Variants in STAU2 observed in about 807,000 individuals in gnomAD.
STAU2 encodes the protein double-stranded RNA-binding protein Staufen homolog 2.
In STAU2, 20 loss-of-function variants were observed where a neutral mutation model predicts 65.9. The ratio of observed to expected loss-of-function variants is 0.30; its 90% confidence interval spans 0.21 to 0.44. The LOEUF (loss-of-function observed/expected upper bound fraction) is 0.44, where lower values mean the gene tolerates loss of function less well. Ranked by LOEUF, STAU2 falls within the 20% of genes least tolerant of loss-of-function variation. STAU2 has a pLI of 1.00. For synonymous variants in STAU2, 232 were observed against 233.9 expected (o/e 0.99, Z 0.07); for missense variants, 558 against 683.9 (o/e 0.82, Z 2.05).
chr8:73,467,349 G>A (rs28655427), intron 13 of STAU2, among the ~76,000 whole-genome samples: 97,829 of 151,984 alleles, frequency 0.64, 32,278 homozygotes, highest in East Asian at 0.94. Context: ...TGGCTAACAC[G>A]ATGAAACCCC....
At chr8:73,521,635 T>G (rs1300704093) in intron 13 of STAU2, among the ~76,000 whole-genome samples, 1 of 152,208 alleles carries the variant, frequency 6.6e-6, no homozygotes, top group Non-Finnish European at 1.5e-5. Flanking sequence ...ATTTTGAACT[T>G]CCTGGGCTAG....
At chr8:73,681,767 T>C (rs958245259) in intron 5 of STAU2, among the ~76,000 whole-genome samples, 1 of 151,904 alleles carries the variant, frequency 6.6e-6, no homozygotes, top group Non-Finnish European at 1.5e-5. Flanking sequence ...AAACTGAAGG[T>C]AAAGGGGTAG....
intron 13 of STAU2, among the ~76,000 whole-genome samples, chr8:73,529,208 C>T (rs975848614): frequency 6.6e-6 from 1 of 152,120 alleles, no homozygotes; most frequent in South Asian, 2.1e-4. Flanking sequence ...TCAATGTATA[C>T]GAGTTCAAGA....
At chr8:73,662,519 T>C (rs961460243) in intron 6 of STAU2, among the ~76,000 whole-genome samples, 1 of 152,256 alleles carries the variant, frequency 6.6e-6, no homozygotes, top group Non-Finnish European at 1.5e-5. Flanking sequence ...CTGGAAATTT[T>C]ACTTTAACTT....
intron 1 of STAU2, among the ~76,000 whole-genome samples, chr8:73,746,467 C>G (rs1586406708): frequency 6.6e-6 from 1 of 151,974 alleles, no homozygotes; most frequent in East Asian, 2.0e-4. Context: ...CCCCACTTGG[C>G]CCGGCCTCCT....
chr8:73,571,507 C>A (rs934326699), intron 12 of STAU2, among the ~76,000 whole-genome samples: 20 of 152,194 alleles, frequency 1.3e-4, no homozygotes, highest in Non-Finnish European at 2.9e-4. Flanking sequence ...GTAAAGCACT[C>A]CTCAGCAAAT....
At chr8:73,615,624 A>T in intron 8 of STAU2, 51 bp downstream of exon 8, 1 of 1,421,800 alleles carries the variant, frequency 7.0e-7, no homozygotes, top group Non-Finnish European at 9.9e-7. Flanking sequence ...TTGTTTGTTT[A>T]AAATAACCAC....
At chr8:73,622,881 A>T (rs1813368110) in intron 6 of STAU2, among the ~76,000 whole-genome samples, 1 of 152,252 alleles carries the variant, frequency 6.6e-6, no homozygotes, top group African/African-American at 2.4e-5. Context: ...ACTAAATCTG[A>T]CAAATGCTGC....
intron 13 of STAU2, among the ~76,000 whole-genome samples, chr8:73,499,995 T>C (rs976590102): frequency 6.6e-6 from 1 of 151,858 alleles, no homozygotes; most frequent in Admixed American, 6.6e-5. Context: ...TTATTTATCT[T>C]ATACTTTTCC....
intron 12 of STAU2, among the ~76,000 whole-genome samples, chr8:73,570,527 C>T (rs552633351): frequency 4.5e-4 from 69 of 152,340 alleles, no homozygotes; most frequent in African/African-American, 1.7e-3. Flanking sequence ...AAACACTCTG[C>T]AGTATATTAT....
intron 4 of STAU2, among the ~76,000 whole-genome samples, chr8:73,692,960 G>A (rs1033918831): frequency 6.6e-6 from 1 of 151,400 alleles, no homozygotes. Flanking sequence ...AGAAGTTCGA[G>A]ACCAGCCTGG....
chr8:73,702,749 C>A (rs543983349), intron 4 of STAU2, among the ~76,000 whole-genome samples: 21 of 152,148 alleles, frequency 1.4e-4, no homozygotes, highest in African/African-American at 4.6e-4. Context: ...TGAACAGACA[C>A]TTCACTAAAG....
intron 13 of STAU2, among the ~76,000 whole-genome samples, chr8:73,526,340 T>G (rs1479530647): frequency 6.6e-6 from 1 of 152,202 alleles, no homozygotes; most frequent in Non-Finnish European, 1.5e-5. Context: ...CTTCCCTAAA[T>G]ATCACAATAC....
At chr8:73,619,564 T>C (rs1465916385) in intron 6 of STAU2, among the ~76,000 whole-genome samples, 1 of 152,214 alleles carries the variant, frequency 6.6e-6, no homozygotes, top group Non-Finnish European at 1.5e-5. Flanking sequence ...ATGGGACTAA[T>C]CAATGAAGGT....
rs145505405 is a variant in STAU2 at position 73,737,528 on chromosome 8, T to C, written c.-18+756A>G. Among the ~76,000 whole-genome samples, 15 of 152,088 alleles carry C rather than the reference T, an allele frequency of 9.9e-5. No homozygotes were observed. In the East Asian group the frequency reaches 2.7e-3, roughly 27 times the overall value. The stretch of plus-strand genomic sequence containing the variant: ...AAAGTTTAATTACTTCTCTGTTGAT[T>C]TGCAATCAAAAGAAATAAAAGTATT... On this transcript the variant is annotated intron_variant, in intron 3 of 14. Coordinates refer to ENST00000524300, the MANE Select transcript of STAU2 (RefSeq NM_001164380.2).
chr8:73,627,117 C>A (rs1431520790), intron 6 of STAU2, among the ~76,000 whole-genome samples: 2 of 150,226 alleles, frequency 1.3e-5, no homozygotes, highest in Non-Finnish European at 3.0e-5. Flanking sequence ...CCACTGTGTT[C>A]CCCTGGGTGC....
At chr8:73,485,493 G>C (rs891637734) in intron 13 of STAU2, among the ~76,000 whole-genome samples, 1 of 151,920 alleles carries the variant, frequency 6.6e-6, no homozygotes, top group African/African-American at 2.4e-5. Context: ...GGAGAGATCC[G>C]AACCTGCTAG....
chr8:73,681,172 T>TTTCCTTTGA, intron 5 of STAU2, among the ~76,000 whole-genome samples: 2 of 152,046 alleles, frequency 1.3e-5, no homozygotes, highest in African/African-American at 4.8e-5. Context: ...AATCAGGTTA[T>TTTCCTTTGA]CTAAAGTCAA....
intron 13 of STAU2, among the ~76,000 whole-genome samples, chr8:73,508,231 T>C (rs1477741717): frequency 6.6e-6 from 1 of 152,236 alleles, no homozygotes; most frequent in African/African-American, 2.4e-5. Flanking sequence ...CTCACTAAGC[T>C]TAATCATTTC....
Sources: allele counts gnomAD v4.1 joint callset (sites outside exome capture counted in the v4.1 genomes callset), GRCh38; gene constraint gnomAD v4.1.1; transcripts MANE v1.5; gene names NCBI Gene and HGNC (gene_info 2026-07-23, HGNC 2026-07-21).